The following UBL3 variants were observed in gnomAD, a reference collection of about 807,000 sequenced individuals.
The protein encoded by UBL3 is ubiquitin like 3.
UBL3 carries 6 observed loss-of-function variants against 18.4 expected under a neutral mutation model. That is an observed-to-expected ratio of 0.33 (90% CI 0.18 to 0.64). The LOEUF is 0.64. Among genes scored for constraint, UBL3 ranks in the 30% least tolerant of loss-of-function variants. UBL3 has a pLI of 0.76. For missense variants in UBL3, 109 were observed against 142.9 expected, an observed-to-expected ratio of 0.76 and a Z score of 1.21; for synonymous variants, 49 against 46.6, an observed-to-expected ratio of 1.05 and a Z score of -0.21.
intron 1 of UBL3, among the ~76,000 whole-genome samples, chr13:29,843,037 G>A (rs903501279): frequency 1.7e-4 from 26 of 152,240 alleles, no homozygotes; most frequent in Non-Finnish European, 3.2e-4. Flanking sequence ...GAATAAGTAG[G>A]CACACTGATC....
intron 1 of UBL3, among the ~76,000 whole-genome samples, chr13:29,838,911 T>G (rs2139366468): frequency 6.6e-6 from 1 of 152,122 alleles, no homozygotes; most frequent in East Asian, 1.9e-4. Context: ...AAGAGAGATT[T>G]AAAGGAAATG....
At chr13:29,836,804 C>T (rs917333332) in intron 1 of UBL3, among the ~76,000 whole-genome samples, 1 of 152,176 alleles carries the variant, frequency 6.6e-6, no homozygotes, top group African/African-American at 2.4e-5. Context: ...TTTTCCTCTC[C>T]AGGAATGTGC....
chr13:29,790,317 ATTTC>A (rs1473344393), intron 1 of UBL3, among the ~76,000 whole-genome samples: 3 of 152,180 alleles, frequency 2.0e-5, no homozygotes, highest in East Asian at 1.9e-4. Flanking sequence ...CAATGCTCTA[ATTTC>A]TTTATCACTA....
chr13:29,791,211 ACTAATT>A (rs1279510785), intron 1 of UBL3, among the ~76,000 whole-genome samples: 2 of 152,090 alleles, frequency 1.3e-5, no homozygotes, highest in African/African-American at 4.8e-5. Flanking sequence ...TTACCCAATT[ACTAATT>A]CTTTCAAATT....
In UBL3 at chr13:29,849,604, T is replaced by C. The variant is rs747607673; in HGVS notation, c.-66A>G. On this transcript the variant is annotated 5_prime_UTR_variant, in exon 1 of 5. Coordinates refer to ENST00000380680, the MANE Select transcript of UBL3 (RefSeq NM_007106.4). ...AAACAAAGAAAAAAGAGCAGAAGTC[T>C]TCACGTTACAGAAATAAACCACGAT... is the stretch of plus-strand genomic sequence containing the variant. 23 of 1,594,506 alleles carry C rather than the reference T, an allele frequency of 1.4e-5. No homozygotes were observed. Among genetic ancestry groups the C allele is most frequent in the Non-Finnish European group, 1.8e-5 (21 of 1,167,064 alleles).
At chr13:29,784,548 C>T (rs1488224875) in intron 1 of UBL3, among the ~76,000 whole-genome samples, 1 of 151,624 alleles carries the variant, frequency 6.6e-6, no homozygotes, top group East Asian at 1.9e-4. Flanking sequence ...GGTATTAGAC[C>T]CTTTTTGCAA....
chr13:29,784,123 C>G (rs892215734), intron 1 of UBL3, among the ~76,000 whole-genome samples: 3 of 152,138 alleles, frequency 2.0e-5, no homozygotes, highest in African/African-American at 7.2e-5. Flanking sequence ...TTTAGTCAAA[C>G]TGCCATTTCT....
intron 1 of UBL3, among the ~76,000 whole-genome samples, chr13:29,833,243 C>T (rs1373466473): frequency 1.3e-5 from 2 of 150,724 alleles, no homozygotes; most frequent in Non-Finnish European, 1.5e-5. Flanking sequence ...GGAAGGCGGA[C>T]CGCAGTGGAT....
At chr13:29,808,540 T>C (rs1198996897) in intron 1 of UBL3, among the ~76,000 whole-genome samples, 1 of 152,194 alleles carries the variant, frequency 6.6e-6, no homozygotes, top group Admixed American at 6.6e-5. Flanking sequence ...CTAAGTTTCT[T>C]AGTGTTAATA....
chr13:29,846,333 T>G (rs1426572877), intron 1 of UBL3, among the ~76,000 whole-genome samples: 1 of 152,154 alleles, frequency 6.6e-6, no homozygotes, highest in Non-Finnish European at 1.5e-5. Flanking sequence ...TAAATACACT[T>G]GTAATATTTA....
intron 1 of UBL3, among the ~76,000 whole-genome samples, chr13:29,847,750 G>C (rs768069190): frequency 7.9e-5 from 12 of 152,108 alleles, no homozygotes; most frequent in Admixed American, 7.2e-4. Context: ...ATCTTTGCTC[G>C]AGGCGATGAA....
chr13:29,791,579 T>C (rs926249504), intron 1 of UBL3, among the ~76,000 whole-genome samples: 3 of 152,206 alleles, frequency 2.0e-5, no homozygotes, highest in Non-Finnish European at 4.4e-5. Context: ...ATCACCAGAA[T>C]GACTTTCTGA....
intron 1 of UBL3, among the ~76,000 whole-genome samples, chr13:29,784,013 C>G (rs983671833): frequency 6.6e-6 from 1 of 152,080 alleles, no homozygotes; most frequent in Non-Finnish European, 1.5e-5. Flanking sequence ...ACAAATCAGA[C>G]AAGACTATTA....
chr13:29,767,993 G>C (rs957915092), intron 3 of UBL3, among the ~76,000 whole-genome samples: 1 of 151,906 alleles, frequency 6.6e-6, no homozygotes, highest in South Asian at 2.1e-4. Flanking sequence ...GAGGAGAAAG[G>C]ATTAAATTTT....
chr13:29,843,155 C>T (rs190849253), intron 1 of UBL3, among the ~76,000 whole-genome samples: 43 of 152,128 alleles, frequency 2.8e-4, no homozygotes, highest in African/African-American at 1.0e-3. Flanking sequence ...GCAGTGGCTC[C>T]TACATTTTTT....
At position 29,849,842 on chromosome 13, in the gene UBL3, G is replaced by C; in HGVS notation, c.-304C>G. On this transcript the variant is annotated 5_prime_UTR_variant, in exon 1 of 5. Transcript: ENST00000380680. ...GCCCCAGGACCGGCCGCGCCAGGTGGACCGAGCCGAGTGACACACGGACAT... is the reference window on the plus strand; with the variant it reads ...GCCCCAGGACCGGCCGCGCCAGGTGCACCGAGCCGAGTGACACACGGACAT... 1 of 530,802 alleles carries C rather than the reference G, an allele frequency of 1.9e-6. No homozygotes were observed. The highest frequency in any genetic ancestry group is 3.3e-5 in the East Asian group (1 of 29,880). The allele number at this position is 530,802 out of a possible 1,614,324, so 32.9% of individuals were successfully genotyped here.
chr13:29,785,742 G>C (rs1384967113), intron 1 of UBL3, among the ~76,000 whole-genome samples: 1 of 152,118 alleles, frequency 6.6e-6, no homozygotes, highest in African/African-American at 2.4e-5. Context: ...TTCTAAAACA[G>C]ACACTGCTTG....
chr13:29,806,828 T>G (rs1456670523), intron 1 of UBL3, among the ~76,000 whole-genome samples: 4 of 152,226 alleles, frequency 2.6e-5, no homozygotes, highest in African/African-American at 9.6e-5. Context: ...TAATTCACTT[T>G]ATTGTCTTTT....
chr13:29,835,121 T>A (rs1392807525), intron 1 of UBL3, among the ~76,000 whole-genome samples: 2 of 23,680 alleles, frequency 8.4e-5, no homozygotes, highest in Non-Finnish European at 1.2e-4. Context: ...TATATATATA[T>A]ATAAATATAT....
Sources: allele counts gnomAD v4.1 joint callset (sites outside exome capture counted in the v4.1 genomes callset), GRCh38; gene constraint gnomAD v4.1.1; transcripts MANE v1.5; gene names NCBI Gene and HGNC (gene_info 2026-07-23, HGNC 2026-07-21).